DHRS7: variants seen among roughly 807,000 people sequenced by gnomAD.
DHRS7 encodes dehydrogenase/reductase 7, also known as dehydrogenase/reductase SDR family member 7.
A neutral mutation model predicts 38.9 loss-of-function variants in DHRS7; 34 were observed. The observed-to-expected ratio is 0.87, with a 90% CI of 0.66 to 1.16. DHRS7 has a LOEUF of 1.16. Ranked by LOEUF, DHRS7 falls within the 50% of genes most tolerant of loss-of-function variation. The pLI, the probability that DHRS7 is intolerant of heterozygous loss-of-function variation, is 0.00. For synonymous variants in DHRS7, 158 were observed against 153.1 expected (o/e 1.03, Z -0.24); for missense variants, 421 against 407.0 (o/e 1.03, Z -0.30).
chr14:60,163,321 A>C (rs1457661823), intron 1 of DHRS7, among the ~76,000 whole-genome samples: 1 of 152,136 alleles, frequency 6.6e-6, no homozygotes, highest in Non-Finnish European at 1.5e-5. Flanking sequence ...TTGCTGAAAA[A>C]CATTTTTATG....
rs1896483820 is a variant in DHRS7, at chr14:60,149,389, C to T, written c.936G>A (p.Met312Ile). Residue 312 changes from methionine (M) to isoleucine (I), a missense_variant, in exon 6 of 7, where the codon ATG becomes ATA. Coordinates refer to ENST00000557185, the MANE Select transcript of DHRS7 (RefSeq NM_016029.4). The part of the protein sequence containing the change: ...PTWAWWITNK[M>I]GKKRIENFKS... ...TAAAGTTCTCAATCCTTTTCTTCCC[C>T]ATCTTGTTGGTTATCCACCAGGCCC... 6.2e-7 allele frequency: 1 copy of T among 1,614,014 alleles called. No individual in the cohort carries two copies. Among genetic ancestry groups the T allele is most frequent in the Non-Finnish European group, 8.5e-7 (1 of 1,180,026 alleles).
Position 60,152,950 on chromosome 14 carries a change from G to A in DHRS7, c.622C>T (p.His208Tyr). The change falls in exon 4 of 7, where the codon CAT becomes TAT. Residue 208 changes from histidine to tyrosine, a missense_variant. Physicochemically the swap from His to Tyr is moderately conservative, Grantham distance 83. Coordinates refer to ENST00000557185, the MANE Select transcript of DHRS7 (RefSeq NM_016029.4). ...PLSIGYCASK[H>Y]ALRGFFNGLR... ...TTGAGCAGCCTTACCCGGAGAGCATGCTTGCTAGCACAGTATCCAATGGAA... is the reference window on the plus strand; with the variant it reads ...TTGAGCAGCCTTACCCGGAGAGCATACTTGCTAGCACAGTATCCAATGGAA... 1 of 1,614,124 alleles carries A rather than the reference G, an allele frequency of 6.2e-7. No homozygotes were observed. The highest frequency in any genetic ancestry group is 1.1e-5 in the South Asian group (1 of 91,084).
upstream of DHRS7, chr14:60,169,157 A>AAAAAAAAAAAAAAAAAAC (rs1566539386): frequency 8.0e-5 from 12 of 150,224 alleles, no homozygotes; most frequent in East Asian, 1.3e-3. Flanking sequence ...AAAAAAAAAA[A>AAAAAAAAAAAAAAAAAAC]AAAACCATTG....
chr14:60,165,457 C>G, upstream of DHRS7: 2 of 1,360,702 alleles, frequency 1.5e-6, no homozygotes, highest in Non-Finnish European at 1.9e-6. The surrounding 1 kb of genome is among the most constrained non-coding windows in gnomAD (Gnocchi z 4.6). Context: ...GGAGGAGGAG[C>G]GGCTCGGGCG....
rs928159730 is a variant in DHRS7, at chr14:60,148,587, C to T, written c.972+766G>A. Among the ~76,000 whole-genome samples, 3 of 152,084 alleles carry T rather than the reference C, an allele frequency of 2.0e-5. No homozygotes were observed. The highest frequency in any genetic ancestry group is 4.8e-5 in the African/African-American group (2 of 41,414). On this transcript the variant is annotated intron_variant, in intron 6 of 6. Transcript: ENST00000557185. This position sits in a 1 kb window ranked among gnomAD's most constrained non-coding sequence, Gnocchi z 4.8. Reference sequence around the variant, plus strand: ...CACATCTTAGATGTGCTGAGTACTTCGGGAATGAGGTAAAACTGCATGCAT... The same window carrying T: ...CACATCTTAGATGTGCTGAGTACTTTGGGAATGAGGTAAAACTGCATGCAT...
chr14:60,149,739 A>G (rs1371777205), intron 5 of DHRS7, among the ~76,000 whole-genome samples, 171 bp from the exon 6 acceptor site: 15 of 152,162 alleles, frequency 9.9e-5, no homozygotes, highest in Non-Finnish European at 7.4e-5. Context: ...AATATTTCAA[A>G]AAGCCTAACA....
chr14:60,169,275 T>C (rs528540203), upstream of DHRS7: 3 of 151,104 alleles, frequency 2.0e-5, no homozygotes, highest in African/African-American at 7.3e-5. Context: ...TCTCTCCACA[T>C]AGAGGGATGG....
At position 60,161,280 on chromosome 14, in the gene DHRS7, T is replaced by C. The variant is rs1896760695; in HGVS notation, c.133+3897A>G. On this transcript the variant is annotated intron_variant, in intron 1 of 6. Coordinates refer to ENST00000557185, the MANE Select transcript of DHRS7 (RefSeq NM_016029.4). This position sits in a 1 kb window ranked among gnomAD's most constrained non-coding sequence, Gnocchi z 4.2. ...AGCTGGGCTACCTTTAATCATGGAA[T>C]AATCTTATGTATAGGTGTAAGAATG... 6.6e-6 allele frequency among the ~76,000 whole-genome samples: 1 copy of C among 152,248 alleles called. No homozygotes were observed.
Position 60,165,377 on chromosome 14 carries a change from G to C in DHRS7, c.-68C>G, listed in dbSNP as rs1595204147. 1.3e-6 allele frequency: 2 copies of C among 1,519,006 alleles called. No individual in the cohort carries two copies. The highest frequency in any genetic ancestry group is 2.5e-5 in the South Asian group (2 of 80,988). 94.1% of individuals were successfully genotyped at this position (1,519,006 alleles called of 1,614,324 possible). A position where few individuals can be genotyped will look rare whatever the true frequency, so the allele number is the denominator to read the frequency against. ...CACCAGAGTCGCGTCGCTGCCCTGC[G>C]GGATCGCAGCGCCACCCCTTCGGCC... On this transcript the variant is annotated 5_prime_UTR_variant, in exon 1 of 7. Transcript: ENST00000557185. This position sits in a 1 kb window ranked among gnomAD's most constrained non-coding sequence, Gnocchi z 4.6.
chr14:60,158,988 G>C (rs1279063834), intron 1 of DHRS7: 6 of 374,714 alleles, frequency 1.6e-5, no homozygotes, highest in African/African-American at 1.3e-4. Context: ...CAAGTGTCCA[G>C]CCTGAGGCAT....
rs1896387832 is a variant in DHRS7, at chr14:60,145,694, A to C, written c.973-681T>G. The C allele has an allele frequency of 6.6e-6, 1 of 152,158 alleles. No homozygotes were observed. The highest frequency in any genetic ancestry group is 1.5e-5 in the Non-Finnish European group (1 of 68,020). 9.4% of individuals were successfully genotyped at this position (152,158 alleles called of 1,614,324 possible). On this transcript the variant is annotated intron_variant, in intron 6 of 6. Transcript: ENST00000557185. The surrounding 1 kb of genome is among the most constrained non-coding windows in gnomAD (Gnocchi z 4.0). ...TGTCTCAAAAAAAATAAAAAGAAAA[A>C]AAAATTATTTGTGAACTTTTTGTAT...
chr14:60,164,843 AATC>A (rs1197095681), intron 1 of DHRS7, among the ~76,000 whole-genome samples: 14 of 152,168 alleles, frequency 9.2e-5, no homozygotes, highest in African/African-American at 3.1e-4. Context: ...ACAACACCAG[AATC>A]CCTTGAGTCC....
chr14:60,154,714 T>A (rs940015191), intron 2 of DHRS7, among the ~76,000 whole-genome samples: 8 of 152,198 alleles, frequency 5.3e-5, no homozygotes, highest in Non-Finnish European at 7.3e-5. Context: ...TAAAAAGACT[T>A]CATGGGCAAA....
At position 60,153,674 on chromosome 14, in the gene DHRS7, C is replaced by T. The variant is rs1387486415; in HGVS notation, c.393+285G>A. Among the ~76,000 whole-genome samples, 2 of 151,662 alleles carry T rather than the reference C, an allele frequency of 1.3e-5. No individual in the cohort carries two copies. The highest frequency in any genetic ancestry group is 2.1e-4 in the South Asian group (1 of 4,810). The stretch of plus-strand genomic sequence containing the variant: ...TCACACCACTGCACTCCAGCCTGGG[C>T]GACAGAGCAAGACTTTGTCTCAAAA... On this transcript the variant is annotated intron_variant, in intron 3 of 6. Coordinates refer to ENST00000557185, the MANE Select transcript of DHRS7 (RefSeq NM_016029.4). This position sits in a 1 kb window ranked among gnomAD's most constrained non-coding sequence, Gnocchi z 4.4.
At chr14:60,168,599 G>A, upstream of DHRS7, 6 of 1,420,482 alleles carry the variant, frequency 4.2e-6, no homozygotes, top group South Asian at 8.5e-5. Context: ...AAAAAAATTA[G>A]GTTAAATTTC....
In DHRS7 at chr14:60,145,024, G is replaced by C. The variant is rs891825876; in HGVS notation, c.973-11C>G. 2 of 1,576,356 alleles carry C rather than the reference G, an allele frequency of 1.3e-6. No individual in the cohort carries two copies. Among genetic ancestry groups the C allele is most frequent in the East Asian group, 2.3e-5 (1 of 44,030 alleles). Reference sequence around the variant, plus strand: ...AGAAGAGTCTGCATCCTGTAAAAGAGGGACAGAAACATGGATCAGTACCTA... The same window carrying C: ...AGAAGAGTCTGCATCCTGTAAAAGACGGACAGAAACATGGATCAGTACCTA... On this transcript the variant is annotated splice_polypyrimidine_tract_variant and intron_variant, in intron 6 of 6. Transcript: ENST00000557185. This position sits in a 1 kb window ranked among gnomAD's most constrained non-coding sequence, Gnocchi z 4.0.
At position 60,161,867 on chromosome 14, in the gene DHRS7, G is replaced by T. The variant is rs1896770343; in HGVS notation, c.133+3310C>A. On this transcript the variant is annotated intron_variant, in intron 1 of 6. Coordinates refer to ENST00000557185, the MANE Select transcript of DHRS7 (RefSeq NM_016029.4). This position sits in a 1 kb window ranked among gnomAD's most constrained non-coding sequence, Gnocchi z 4.2. ...GCTAGTCAGGAGACATCTGTTGTTT[G>T]CAGTTGTTGCTTCAGACACTGAGGT... Among the ~76,000 whole-genome samples the T allele has an allele frequency of 6.6e-6, 1 of 152,182 alleles. No homozygotes were observed. Among genetic ancestry groups the T allele is most frequent in the Admixed American group, 6.5e-5 (1 of 15,272 alleles).
rs560629036 is a variant in DHRS7 at position 60,164,900 on chromosome 14, G to A, written c.133+277C>T. Among the ~76,000 whole-genome samples, 12 of 152,362 alleles carry A rather than the reference G, an allele frequency of 7.9e-5. No homozygotes were observed. The East Asian group carries it at 2.3e-3, about 29-fold the overall frequency. ...CCTCAGGAGCACCGCCGACTCCAGT[G>A]CTCTCTTAACAGTTTGGCACTCCCT... On this transcript the variant is annotated intron_variant, in intron 1 of 6. Transcript: ENST00000557185.
intron 1 of DHRS7, among the ~76,000 whole-genome samples, chr14:60,158,014 C>T (rs1307084912): frequency 1.3e-5 from 2 of 152,078 alleles, no homozygotes; most frequent in African/African-American, 4.8e-5. Context: ...GGGCAGATCA[C>T]TTGAGGCCAG....
Sources: gnomAD v4.1 joint callset for allele counts (sites outside exome capture counted in the v4.1 genomes callset) on GRCh38, gnomAD v4.1.1 for gene constraint, Gnocchi (gnomAD v3.1) non-coding constraint, MANE v1.5 for transcripts, NCBI Gene and HGNC (gene_info 2026-07-23, HGNC 2026-07-21) for gene names.